Variants in ASTN2 observed in about 807,000 individuals in gnomAD.
ASTN2 encodes astrotactin-2.
In ASTN2, 54 loss-of-function variants were observed where a neutral mutation model predicts 139.8. That is an observed-to-expected ratio of 0.39 (90% CI 0.31 to 0.48). ASTN2 has a LOEUF of 0.48. ASTN2 is among the 20% of genes least tolerant of loss of function. The pLI is 0.95. For synonymous variants in ASTN2, 756 were observed against 719.5 expected (o/e 1.05, Z -0.81); for missense variants, 1,565 against 1,725.1 (o/e 0.91, Z 1.64).
At chr9:116,663,438 T>C (rs1858679229) in intron 16 of ASTN2, among the ~76,000 whole-genome samples, 1 of 152,174 alleles carries the variant, frequency 6.6e-6, no homozygotes, top group Non-Finnish European at 1.5e-5. Context: ...ACTGTTTTCC[T>C]GGGGGTTCAC....
chr9:116,830,531 C>T (rs1352455481), intron 11 of ASTN2, among the ~76,000 whole-genome samples: 1 of 151,904 alleles, frequency 6.6e-6, no homozygotes, highest in Admixed American at 6.6e-5. Flanking sequence ...GTGGCTCAAG[C>T]CTGTAATCCC....
chr9:116,686,707 C>T (rs1234859283), intron 16 of ASTN2: 23 of 1,550,396 alleles, frequency 1.5e-5, no homozygotes, highest in Non-Finnish European at 2.0e-5. Context: ...CTTCAGTCTG[C>T]AGGGACAGGG....
chr9:116,644,714 G>A (rs1344194048), intron 17 of ASTN2, among the ~76,000 whole-genome samples: 1 of 152,168 alleles, frequency 6.6e-6, no homozygotes, highest in Non-Finnish European at 1.5e-5. Context: ...CTGGTATGGA[G>A]TGCAAGATAT....
intron 20 of ASTN2, among the ~76,000 whole-genome samples, chr9:116,444,862 A>T (rs1266563860): frequency 6.6e-6 from 1 of 152,180 alleles, no homozygotes; most frequent in Non-Finnish European, 1.5e-5. Flanking sequence ...GTGAAATGTA[A>T]GTGCACTATG....
chr9:116,942,113 CACCA>C (rs1318650965), intron 10 of ASTN2, among the ~76,000 whole-genome samples: 7 of 92,404 alleles, frequency 7.6e-5, no homozygotes, highest in East Asian at 3.9e-4. Context: ...CACACACACA[CACCA>C]CACACACACA....
chr9:117,257,047 GA>G (rs1007033525), intron 2 of ASTN2, among the ~76,000 whole-genome samples: 77 of 152,036 alleles, frequency 5.1e-4, no homozygotes, highest in African/African-American at 1.8e-3. Flanking sequence ...ACAACTTATA[GA>G]AAAAAACCTC....
chr9:116,804,559 T>C (rs936642073), intron 13 of ASTN2, among the ~76,000 whole-genome samples: 2 of 152,176 alleles, frequency 1.3e-5, no homozygotes, highest in African/African-American at 4.8e-5. Flanking sequence ...CTTTCGTGTA[T>C]GCTGAATTAA....
intron 12 of ASTN2, among the ~76,000 whole-genome samples, chr9:116,811,321 G>A (rs1831162340): frequency 6.6e-6 from 1 of 152,294 alleles, no homozygotes; most frequent in Admixed American, 6.5e-5. Flanking sequence ...CCATAAGTCT[G>A]ACGTGCAGCC....
At position 116,651,641 on chromosome 9, in the gene ASTN2, AG is replaced by A; in HGVS notation, c.2958del (p.Cys987ValfsTer12). On this transcript the variant is annotated frameshift_variant, in exon 17 of 23. Transcript: ENST00000313400. LOFTEE classifies it high-confidence loss of function. ...TTGCCTGGCCGGCGGCAAAGGTGAC[AG>A]GTAGATGGACAGCGCCCCTTCTCCT... is the stretch of plus-strand genomic sequence containing the variant. ...RCEEKGRCPS[T>X]CHLCRRPGKE... 2 of 1,614,200 alleles carry A rather than the reference AG, an allele frequency of 1.2e-6. No individual in the cohort carries two copies. Among genetic ancestry groups the A allele is most frequent in the Non-Finnish European group, 1.7e-6 (2 of 1,180,042 alleles).
At chr9:117,142,411 C>T (rs1239535283) in intron 3 of ASTN2, among the ~76,000 whole-genome samples, 2 of 152,148 alleles carry the variant, frequency 1.3e-5, no homozygotes, top group African/African-American at 4.8e-5. Flanking sequence ...TCTTAGGAGA[C>T]ACAACCACAG....
chr9:117,035,707 A>G lies in ASTN2; in HGVS notation c.1423+4112T>C, dbSNP rs372868561. ...TTCTGCCAAAGGAGGCATTGGGATC[A>G]TGCTGGGGAAGGTGAGCTTGATTGG... On this transcript the variant is annotated intron_variant, in intron 6 of 22. Coordinates refer to ENST00000313400, the MANE Select transcript of ASTN2 (RefSeq NM_001365068.1). Among the ~76,000 whole-genome samples, 5 of 152,272 alleles carry G rather than the reference A, an allele frequency of 3.3e-5. No homozygotes were observed. In the East Asian group the frequency reaches 7.7e-4, roughly 24 times the overall value.
In ASTN2 at chr9:116,503,319, G is replaced by A. The variant is rs550033604; in HGVS notation, c.3356-15819C>T. ...CGGGGCAGATGATCTGGGAGGAGGA[G>A]GGGGGGAGAGTGAGAGGGTGACTGG... On this transcript the variant is annotated intron_variant, in intron 19 of 22. Coordinates refer to ENST00000313400, the MANE Select transcript of ASTN2 (RefSeq NM_001365068.1). 9.2e-5 allele frequency among the ~76,000 whole-genome samples: 14 copies of A among 152,054 alleles called. No individual in the cohort carries two copies. In the South Asian group the frequency reaches 2.9e-3, roughly 32 times the overall value.
intron 19 of ASTN2, chr9:116,612,842 G>A (rs149139662): frequency 1.4e-3 from 205 of 150,116 alleles, no homozygotes; most frequent in African/African-American, 4.8e-3. Context: ...ACAAAAGCTA[G>A]CAGAAGGCAA....
intron 1 of ASTN2, among the ~76,000 whole-genome samples, chr9:117,351,926 G>A (rs1179769530): frequency 3.3e-5 from 5 of 152,120 alleles, no homozygotes; most frequent in East Asian, 1.9e-4. Flanking sequence ...TTTTAGTCAC[G>A]TGAGTTTATT....
chr9:117,207,668 G>A (rs1189693740), intron 3 of ASTN2, among the ~76,000 whole-genome samples: 1 of 152,150 alleles, frequency 6.6e-6, no homozygotes, highest in East Asian at 1.9e-4. Flanking sequence ...ATCCCTTTGA[G>A]CAGCTCCTGG....
chr9:116,902,479 G>T (rs1834037443), intron 10 of ASTN2, among the ~76,000 whole-genome samples: 1 of 152,072 alleles, frequency 6.6e-6, no homozygotes, highest in African/African-American at 2.4e-5. Context: ...CATTTTCTAT[G>T]CTTAGATACA....
rs1452365790 is a variant in ASTN2, at chr9:116,680,051, C to CA, written c.2807-28259dup. On this transcript the variant is annotated intron_variant, in intron 16 of 22. Transcript: ENST00000313400. ...AGCAGAAGTGAAGGAAATAGAGACA[C>CA]AAAAAACCCTTCAAAAAATTAATGA... is the stretch of plus-strand genomic sequence containing the variant. 7.2e-5 allele frequency among the ~76,000 whole-genome samples: 11 copies of CA among 152,012 alleles called. No homozygotes were observed. The South Asian group carries it at 1.7e-3, about 23-fold the overall frequency.
At chr9:117,283,358 A>G (rs112539485) in intron 2 of ASTN2, among the ~76,000 whole-genome samples, 1,833 of 152,350 alleles carry the variant, frequency 0.012, 39 homozygotes, top group African/African-American at 0.042. Context: ...CACAAGGTTC[A>G]TGTGACTTAA....
intron 16 of ASTN2, among the ~76,000 whole-genome samples, chr9:116,710,087 C>T (rs2132093921): frequency 6.6e-6 from 1 of 152,246 alleles, no homozygotes; most frequent in Non-Finnish European, 1.5e-5. Context: ...ATAGGGAAGC[C>T]TAGGTAGGCC....
Sources: allele counts gnomAD v4.1 joint callset (sites outside exome capture counted in the v4.1 genomes callset), GRCh38; gene constraint gnomAD v4.1.1; transcripts MANE v1.5; gene names NCBI Gene and HGNC (gene_info 2026-07-23, HGNC 2026-07-21).